Variants in CCNJL observed in about 807,000 individuals in gnomAD.
CCNJL encodes cyclin-J-like protein.
A neutral mutation model predicts 33.4 loss-of-function variants in CCNJL; 33 were observed. That is an observed-to-expected ratio of 0.99 (90% CI 0.75 to 1.32). CCNJL has a LOEUF of 1.32. Ranked by LOEUF, CCNJL falls within the 40% of genes most tolerant of loss-of-function variation. The probability of loss-of-function intolerance (pLI) is 0.00; values close to 1 mark genes in which losing one functional copy is unlikely to be tolerated. For synonymous variants in CCNJL, 227 were observed against 220.9 expected (o/e 1.03, Z -0.24); for missense variants, 512 against 499.7 (o/e 1.02, Z -0.23).
At chr5:160,280,167 C>G (rs1762158341) in intron 3 of CCNJL, among the ~76,000 whole-genome samples, 1 of 152,184 alleles carries the variant, frequency 6.6e-6, no homozygotes, top group Admixed American at 6.5e-5. Context: ...GGCACAGGTT[C>G]TGGCACCAGG....
chr5:160,268,866 T>C (rs1761715698), intron 3 of CCNJL, among the ~76,000 whole-genome samples: 1 of 152,218 alleles, frequency 6.6e-6, no homozygotes, highest in East Asian at 1.9e-4. Flanking sequence ...CTGAGCTTCC[T>C]TTCTCCCTCA....
intron 2 of CCNJL, among the ~76,000 whole-genome samples, chr5:160,307,715 G>A (rs1239655584): frequency 2.0e-5 from 3 of 152,068 alleles, no homozygotes; most frequent in African/African-American, 7.2e-5. Context: ...CCCTGTACTG[G>A]CTGGCACTCC....
chr5:160,263,164 G>T (rs1011809621), intron 3 of CCNJL, among the ~76,000 whole-genome samples: 3 of 152,190 alleles, frequency 2.0e-5, no homozygotes, highest in Non-Finnish European at 4.4e-5. Context: ...GGTGTATTCT[G>T]TCTGTAAATA....
intron 1 of CCNJL, among the ~76,000 whole-genome samples, chr5:160,320,825 CTTTCTTTCTTTCTTTCT>C (rs1763435861): frequency 8.6e-6 from 1 of 116,526 alleles, no homozygotes; most frequent in African/African-American, 3.2e-5. Context: ...TTCTTTCTTT[CTTTCTTTCTTTCTTTCT>C]TTCTTTCCTT....
Position 160,252,784 on chromosome 5 carries a change from A to C in CCNJL, c.*594T>G, listed in dbSNP as rs1427194395. 6.5e-6 allele frequency: 1 copy of C among 152,774 alleles called. No homozygotes were observed. The highest frequency in any genetic ancestry group is 2.4e-5 in the African/African-American group (1 of 41,472). 9.5% of individuals were successfully genotyped at this position (152,774 alleles called of 1,614,324 possible). A position where few individuals can be genotyped will look rare whatever the true frequency, so the allele number is the denominator to read the frequency against. ...AGACCACTTCGGGAAGCAGCAGCAC[A>C]TGACATATCTAAAAGGCTGAAAATG... On this transcript the variant is annotated 3_prime_UTR_variant, in exon 6 of 6. Coordinates refer to ENST00000257536, the MANE Select transcript of CCNJL (RefSeq NM_001308173.3).
intron 2 of CCNJL, among the ~76,000 whole-genome samples, chr5:160,292,347 C>A (rs1762614138): frequency 6.6e-6 from 1 of 152,166 alleles, no homozygotes; most frequent in Non-Finnish European, 1.5e-5. Context: ...TGAGGCCAAG[C>A]ATGGTGGCTC....
In CCNJL at chr5:160,253,469, G is replaced by A; in HGVS notation, c.1073C>T (p.Ala358Val). 1 of 1,613,838 alleles carries A rather than the reference G, an allele frequency of 6.2e-7. No individual in the cohort carries two copies. The highest frequency in any genetic ancestry group is 8.5e-7 in the Non-Finnish European group (1 of 1,179,890). Residue 358 changes from alanine to valine, a missense_variant, in exon 6 of 6, where the codon GCA (alanine) becomes GTA (valine). Physicochemically the swap from Ala to Val is moderately conservative, Grantham distance 64 (BLOSUM62 0). Coordinates refer to ENST00000257536, the MANE Select transcript of CCNJL (RefSeq NM_001308173.3). Reference sequence around the variant, plus strand: ...GGCGAGGCAGTGCCTGGGCTCAGCTGCAATGGCCATATGCATGCTAAGGGA... The same window carrying A: ...GGCGAGGCAGTGCCTGGGCTCAGCTACAATGGCCATATGCATGCTAAGGGA... ...PASLSMHMAI[A>V]AEPRHCLATT...
intron 2 of CCNJL, among the ~76,000 whole-genome samples, chr5:160,282,984 T>TATATATATATATATATAC (rs1762277115): frequency 1.7e-5 from 1 of 58,108 alleles, no homozygotes; most frequent in African/African-American, 7.5e-5. Context: ...TATATATATA[T>TATATATATATATATATAC]ATATATATAT....
chr5:160,259,259 C>T (rs1761209464), intron 4 of CCNJL, among the ~76,000 whole-genome samples: 1 of 152,228 alleles, frequency 6.6e-6, no homozygotes, highest in Admixed American at 6.5e-5. Context: ...TGGCTGCCTG[C>T]ATATAAGTTG....
intron 2 of CCNJL, among the ~76,000 whole-genome samples, chr5:160,287,165 G>A (rs900297112): frequency 1.3e-5 from 2 of 152,102 alleles, no homozygotes; most frequent in South Asian, 4.1e-4. Flanking sequence ...CTGAGAAATG[G>A]GGGTCACGCT....
rs1160073062 is a variant in CCNJL, at chr5:160,283,010, C to CAT, written c.67-2274_67-2273dup. Among the ~76,000 whole-genome samples, 101 of 27,960 alleles carry CAT rather than the reference C, an allele frequency of 3.6e-3. 1 individual carries two copies. Among genetic ancestry groups the CAT allele is most frequent in the East Asian group, 9.3e-3 (5 of 540 alleles). 18.3% of individuals were successfully genotyped at this position (27,960 alleles called of 152,430 possible). Reference sequence around the variant, plus strand: ...ATATATATATATATATATATATATACATATATATATATATATACCTAAGAG... The same window carrying CAT: ...ATATATATATATATATATATATATACATATATATATATATATATACCTAAGAG... On this transcript the variant is annotated intron_variant, in intron 2 of 5. Transcript: ENST00000257536.
intron 2 of CCNJL, among the ~76,000 whole-genome samples, chr5:160,305,660 T>C: frequency 6.6e-6 from 1 of 152,240 alleles, no homozygotes; most frequent in East Asian, 1.9e-4. Flanking sequence ...ATTTCCACTT[T>C]GTGTTAAATT....
At position 160,253,163 on chromosome 5, in the gene CCNJL, C is replaced by T. The variant is rs1052950783; in HGVS notation, c.*215G>A. On this transcript the variant is annotated 3_prime_UTR_variant, in exon 6 of 6. Transcript: ENST00000257536. Reference sequence around the variant, plus strand: ...GCCATCCTTTTGTACCCTAGCCACACGTGGCAGACGTTTCTCAGAGGAATG... The same window carrying T: ...GCCATCCTTTTGTACCCTAGCCACATGTGGCAGACGTTTCTCAGAGGAATG... The T allele has an allele frequency of 3.5e-5, 16 of 461,592 alleles. No individual in the cohort carries two copies. Among genetic ancestry groups the T allele is most frequent in the South Asian group, 5.1e-5 (1 of 19,748 alleles). 28.6% of individuals were successfully genotyped at this position (461,592 alleles called of 1,614,324 possible). A position where few individuals can be genotyped will look rare whatever the true frequency, so the allele number is the denominator to read the frequency against.
At chr5:160,258,311 G>T in intron 4 of CCNJL, 2 of 753,370 alleles carry the variant, frequency 2.7e-6, no homozygotes, top group Non-Finnish European at 2.4e-6. Context: ...ATTCGAAAAT[G>T]GTATTACAAC....
upstream of CCNJL, among the ~76,000 whole-genome samples, chr5:160,313,809 A>T (rs1232880708): frequency 2.6e-5 from 4 of 152,334 alleles, no homozygotes; most frequent in Non-Finnish European, 5.9e-5. Flanking sequence ...GGGGCACTTA[A>T]CATGTTTTCT....
chr5:160,280,407 G>A, intron 3 of CCNJL, 118 bp downstream of exon 3: 1 of 812,884 alleles, frequency 1.2e-6, no homozygotes, highest in Non-Finnish European at 2.0e-6. Context: ...GCTCAGTGAA[G>A]GATGAACATA....
chr5:160,322,226 A>G (rs986290328), intron 1 of CCNJL, among the ~76,000 whole-genome samples: 8 of 152,252 alleles, frequency 5.3e-5, no homozygotes, highest in African/African-American at 1.9e-4. Flanking sequence ...GTGGAACTTA[A>G]TCACGTCTCT....
chr5:160,312,049 C>T, intron 1 of CCNJL, 77 bp from the exon 2 acceptor site: 2 of 937,734 alleles, frequency 2.1e-6, no homozygotes, highest in African/African-American at 1.6e-5. Flanking sequence ...CCTCTCTCGC[C>T]CCTGGCCCCG....
At chr5:160,315,810 C>T (rs1763374344), upstream of CCNJL, among the ~76,000 whole-genome samples, 1 of 152,038 alleles carries the variant, frequency 6.6e-6, no homozygotes, top group African/African-American at 2.4e-5. Context: ...AGGGTTCTTC[C>T]ATTCAACAAC....
Sources: gnomAD v4.1 joint callset for allele counts (sites outside exome capture counted in the v4.1 genomes callset) on GRCh38, gnomAD v4.1.1 for gene constraint, MANE v1.5 for transcripts, NCBI Gene and HGNC (gene_info 2026-07-23, HGNC 2026-07-21) for gene names.